NSD1: variants seen among roughly 807,000 people sequenced by gnomAD.
NSD1 encodes the protein nuclear receptor binding SET domain protein 1.
A neutral mutation model predicts 242.7 loss-of-function variants in NSD1; 26 were observed. The observed-to-expected ratio is 0.11, with a 90% CI of 0.08 to 0.15. The LOEUF (loss-of-function observed/expected upper bound fraction) is 0.15, where lower values mean the gene tolerates loss of function less well. Among genes scored for constraint, NSD1 ranks in the 10% least tolerant of loss-of-function variants. The pLI, the probability that NSD1 is intolerant of heterozygous loss-of-function variation, is 1.00. For missense variants in NSD1, 2,495 were observed against 3,272.8 expected (o/e 0.76, Z 5.80); for synonymous variants, 1,106 against 1,178.1 (o/e 0.94, Z 1.25).
At position 177,225,318 on chromosome 5, in the gene NSD1, T is replaced by C. The variant is rs537030407; in HGVS notation, c.3797-10503T>C. On this transcript the variant is annotated intron_variant, in intron 5 of 22. Transcript: ENST00000439151. ...CCACCACACCCAGCTAATTTTTGTA[T>C]TTTTAGTAGAGACGGGGTTTCACCA... Among the ~76,000 whole-genome samples, 30 of 152,194 alleles carry C rather than the reference T, an allele frequency of 2.0e-4. No individual in the cohort carries two copies. In the South Asian group the frequency reaches 6.2e-3, roughly 32 times the overall value.
rs369096538 is a variant in NSD1, at chr5:177,209,880, G to C, written c.1481G>C (p.Cys494Ser). Reference protein sequence around the residue: ...EHSADEKEKPCAKSRARKSSD... With the variant: ...EHSADEKEKPSAKSRARKSSD... ...TCTGCAGATGAGAAGGAAAAGCCTTGCGCTAAATCTCGAGCCAGAAAGAGC... is the reference window on the plus strand; with the variant it reads ...TCTGCAGATGAGAAGGAAAAGCCTTCCGCTAAATCTCGAGCCAGAAAGAGC... The change falls in exon 5 of 23, where the codon TGC becomes TCC. Residue 494 changes from cysteine (C) to serine (S), a missense_variant. Cys to Ser is a moderately radical substitution (Grantham distance 112). Transcript: ENST00000439151. 4.3e-6 allele frequency: 7 copies of C among 1,614,008 alleles called. No homozygotes were observed. The highest frequency in any genetic ancestry group is 5.9e-6 in the Non-Finnish European group (7 of 1,180,046).
At chr5:177,185,529 C>T (rs544034466) in intron 2 of NSD1, among the ~76,000 whole-genome samples, 96 of 150,118 alleles carry the variant, frequency 6.4e-4, no homozygotes, top group African/African-American at 2.3e-3. Flanking sequence ...ACCCAGGAGG[C>T]GGAGGTTGCA....
chr5:177,214,946 C>T (rs1008063826), intron 5 of NSD1, among the ~76,000 whole-genome samples: 24 of 152,258 alleles, frequency 1.6e-4, no homozygotes, highest in Middle Eastern at 3.4e-3. Flanking sequence ...CGTGATCCAC[C>T]CGCCTTGGCC....
chr5:177,265,806 G>C (rs1757385913), intron 14 of NSD1: 1 of 1,391,628 alleles, frequency 7.2e-7, no homozygotes, highest in African/African-American at 1.4e-5. Context: ...GTCCTCTTGT[G>C]GCAGTGCGTA....
intron 21 of NSD1, among the ~76,000 whole-genome samples, chr5:177,291,575 C>T (rs1245644389): frequency 6.6e-6 from 1 of 152,194 alleles, no homozygotes. Context: ...ATTGCTTGAA[C>T]CCAGCAGGCG....
chr5:177,281,841 TGA>T (rs1444809830), intron 18 of NSD1, among the ~76,000 whole-genome samples: 1 of 151,844 alleles, frequency 6.6e-6, no homozygotes, highest in Admixed American at 6.6e-5. Flanking sequence ...TTTGTGGAGG[TGA>T]GGTCTAACCA....
chr5:177,197,268 TAA>T (rs538919762), intron 3 of NSD1, among the ~76,000 whole-genome samples: 9 of 143,030 alleles, frequency 6.3e-5, no homozygotes, highest in Admixed American at 7.0e-5. Flanking sequence ...AGACTCCATC[TAA>T]AAAAAAAAAA....
chr5:177,272,753 C>T (rs114070136), intron 16 of NSD1, among the ~76,000 whole-genome samples: 2,775 of 152,138 alleles, frequency 0.018, 31 homozygotes, highest in Non-Finnish European at 0.028. Flanking sequence ...CATGGTGGTG[C>T]ATGCCTGTAG....
At chr5:177,201,673 C>T (rs975454469) in intron 3 of NSD1, among the ~76,000 whole-genome samples, 1 of 151,476 alleles carries the variant, frequency 6.6e-6, no homozygotes, top group Non-Finnish European at 1.5e-5. Context: ...ATTCTCATGC[C>T]TCAGCCTCTC....
At chr5:177,264,028 ATTTTTT>A (rs61538775) in intron 14 of NSD1, among the ~76,000 whole-genome samples, 2,348 of 76,320 alleles carry the variant, frequency 0.031, 91 homozygotes, top group African/African-American at 0.11. Flanking sequence ...CAATGAACCA[ATTTTTT>A]TTTTTTTTTT....
chr5:177,242,672 G>C (rs1765972472), intron 8 of NSD1, among the ~76,000 whole-genome samples: 1 of 151,770 alleles, frequency 6.6e-6, no homozygotes, highest in African/African-American at 2.4e-5. Context: ...GGATTACAGG[G>C]ATGTGCCACC....
chr5:177,275,086 C>G (rs755916398), intron 17 of NSD1, among the ~76,000 whole-genome samples: 1 of 150,936 alleles, frequency 6.6e-6, no homozygotes, highest in Non-Finnish European at 1.5e-5. Context: ...CTAATTTGAC[C>G]ACCATCTTGA....
At position 177,238,229 on chromosome 5, in the gene NSD1, G is replaced by T. The variant is rs2149887102; in HGVS notation, c.3922-8G>T. ...CCTGTGGACTCTATTTTTATTTTTT[G>T]TTCTTAGGTAAGTTCCCGCTGTGAA... On this transcript the variant is annotated splice_region_variant and splice_polypyrimidine_tract_variant and intron_variant, in intron 6 of 22. Transcript: ENST00000439151. This position sits in a 1 kb window ranked among gnomAD's most constrained non-coding sequence, Gnocchi z 4.6. 1.9e-6 allele frequency: 3 copies of T among 1,613,774 alleles called. No individual in the cohort carries two copies. Among genetic ancestry groups the T allele is most frequent in the Non-Finnish European group, 2.5e-6 (3 of 1,179,928 alleles).
intron 8 of NSD1, 64 bp from the exon 9 acceptor site, chr5:177,244,131 A>C: frequency 2.5e-6 from 3 of 1,177,600 alleles, no homozygotes; most frequent in Non-Finnish European, 3.8e-6. Context: ...AGACTTTGGC[A>C]TATAAAGTAA....
chr5:177,199,449 G>A (rs1762344628), intron 3 of NSD1, among the ~76,000 whole-genome samples: 2 of 152,038 alleles, frequency 1.3e-5, no homozygotes, highest in Admixed American at 1.3e-4. Context: ...TATAGACAGG[G>A]TCTCCCTGTA....
In NSD1 at chr5:177,246,937, A is replaced by G. The variant is rs71601347; in HGVS notation, c.4497+141A>G. On this transcript the variant is annotated intron_variant, in intron 10 of 22. Transcript: ENST00000439151. ...GATGGCCATAAGGAATCTTGGAGGAAAAGTAGAGCCTTATCCTAATAATAA... is the reference window on the plus strand; with the variant it reads ...GATGGCCATAAGGAATCTTGGAGGAGAAGTAGAGCCTTATCCTAATAATAA... The G allele has an allele frequency of 8.0e-3, 5,460 of 685,496 alleles. 47 individuals are homozygous for G. Among genetic ancestry groups the G allele is most frequent in the Non-Finnish European group, 9.9e-3 (3,789 of 383,596 alleles). 42.5% of individuals were successfully genotyped at this position (685,496 alleles called of 1,614,324 possible). A position where few individuals can be genotyped will look rare whatever the true frequency, so the allele number is the denominator to read the frequency against.
At chr5:177,195,771 A>G (rs539818387) in intron 3 of NSD1, among the ~76,000 whole-genome samples, 11 of 152,048 alleles carry the variant, frequency 7.2e-5, no homozygotes, top group Non-Finnish European at 1.0e-4. Flanking sequence ...CACTCAGCCT[A>G]TTTATAGTGT....
intron 20 of NSD1, among the ~76,000 whole-genome samples, chr5:177,287,801 T>G (rs1759455325): frequency 2.0e-5 from 3 of 152,202 alleles, no homozygotes. Context: ...CATCAGGCCG[T>G]GGATAATTCT....
intron 3 of NSD1, among the ~76,000 whole-genome samples, chr5:177,198,564 A>T (rs1222612460): frequency 6.6e-6 from 1 of 152,188 alleles, no homozygotes; most frequent in African/African-American, 2.4e-5. Context: ...TAGTATTCTT[A>T]GTATATTTAG....
Sources: allele counts gnomAD v4.1 joint callset (sites outside exome capture counted in the v4.1 genomes callset), GRCh38; gene constraint gnomAD v4.1.1; non-coding constraint Gnocchi (gnomAD v3.1); transcripts MANE v1.5; gene names NCBI Gene and HGNC (gene_info 2026-07-23, HGNC 2026-07-21).